Variants in NLRP11 observed in about 807,000 individuals in gnomAD.
The protein encoded by NLRP11 is NLR family pyrin domain containing 11, also known as NACHT, LRR and PYD domains-containing protein 11.
In NLRP11, 53 loss-of-function variants were observed where a neutral mutation model predicts 79.3. The observed-to-expected ratio is 0.67, with a 90% CI of 0.54 to 0.84. NLRP11 has a LOEUF of 0.84. Ranked by LOEUF, NLRP11 falls within the 40% of genes least tolerant of loss-of-function variation. The pLI is 0.00. For missense variants in NLRP11, 1,264 were observed against 1,255.0 expected (o/e 1.01, Z -0.11); for synonymous variants, 518 against 462.6 (o/e 1.12, Z -1.54).
chr19:55,807,062 T>C (rs997022139), intron 4 of NLRP11, among the ~76,000 whole-genome samples: 1 of 152,156 alleles, frequency 6.6e-6, no homozygotes, highest in Non-Finnish European at 1.5e-5. Context: ...TTAAAATGCG[T>C]GTACTTATTA....
intron 3 of NLRP11, 71 bp from the exon 4 acceptor site, chr19:55,808,085 T>A: frequency 1.9e-6 from 2 of 1,072,660 alleles, no homozygotes; most frequent in Non-Finnish European, 2.7e-6. Context: ...ACATGTAAAT[T>A]AAAGTATGTT....
intron 1 of NLRP11, among the ~76,000 whole-genome samples, chr19:55,819,138 C>G (rs1283223649): frequency 0.013 from 703 of 54,394 alleles, 13 homozygotes; most frequent in African/African-American, 0.049. Flanking sequence ...CACACACACA[C>G]ACACACACAC....
chr19:55,788,694 C>T lies in NLRP11; in HGVS notation c.2855+113G>A, dbSNP rs1568625520. 4.2e-6 allele frequency: 3 copies of T among 708,130 alleles called. No homozygotes were observed. In the Admixed American group the frequency reaches 9.7e-5, roughly 23 times the overall value. 43.9% of individuals were successfully genotyped at this position (708,130 alleles called of 1,614,324 possible). A position where few individuals can be genotyped will look rare whatever the true frequency, so the allele number is the denominator to read the frequency against. ...GGCTGATGTTGCAATGAGCCAAGATCACGCCACTGCACTCCAGCCTGGGCA... is the reference window on the plus strand; with the variant it reads ...GGCTGATGTTGCAATGAGCCAAGATTACGCCACTGCACTCCAGCCTGGGCA... On this transcript the variant is annotated intron_variant, in intron 9 of 9. Coordinates refer to ENST00000589093, the Ensembl canonical transcript of NLRP11.
chr19:55,833,638 G>A (rs10403258), upstream of NLRP11, among the ~76,000 whole-genome samples: 17,851 of 151,306 alleles, frequency 0.12, 1,250 homozygotes, highest in African/African-American at 0.18. Flanking sequence ...TGTGGTGGCG[G>A]GCGCCTGTAG....
chr19:55,786,369 C>T (rs971300830), intron 9 of NLRP11, among the ~76,000 whole-genome samples: 2 of 152,030 alleles, frequency 1.3e-5, no homozygotes, highest in Non-Finnish European at 2.9e-5. Context: ...ACCAAAGATA[C>T]AAAAACTTAG....
intron 6 of NLRP11, among the ~76,000 whole-genome samples, chr19:55,794,408 T>C (rs1568628733): frequency 6.6e-6 from 1 of 152,204 alleles, no homozygotes; most frequent in Non-Finnish European, 1.5e-5. Context: ...AATTAGCTCA[T>C]ATTGACAATT....
chr19:55,794,253 T>C (rs1464615133), intron 6 of NLRP11, among the ~76,000 whole-genome samples: 1 of 152,040 alleles, frequency 6.6e-6, no homozygotes, highest in African/African-American at 2.4e-5. Context: ...AAATTATACC[T>C]GGAACCAGTG....
Position 55,808,914 on chromosome 19 carries a change from T to A in NLRP11, c.1696A>T (p.Met566Leu), listed in dbSNP as rs1455283411. The change falls in exon 3 of 10, where the codon ATG becomes TTG. Residue 566 changes from methionine to leucine, a missense_variant. Met to Leu is a conservative substitution (Grantham distance 15). Coordinates refer to ENST00000589093, the Ensembl canonical transcript of NLRP11. Reference sequence around the variant, plus strand: ...GATTGAAGGTAAACTGTAACCTCCATGAGAGCATCCACAATCGTCTTCACA... The same window carrying A: ...GATTGAAGGTAAACTGTAACCTCCAAGAGAGCATCCACAATCGTCTTCACA... 2 of 1,613,800 alleles carry A rather than the reference T, an allele frequency of 1.2e-6. No individual in the cohort carries two copies. The highest frequency in any genetic ancestry group is 1.7e-6 in the Non-Finnish European group (2 of 1,179,692).
chr19:55,820,532 G>A (rs970031076), intron 1 of NLRP11, among the ~76,000 whole-genome samples: 3 of 152,066 alleles, frequency 2.0e-5, no homozygotes, highest in Non-Finnish European at 2.9e-5. Context: ...GGAAGCAATC[G>A]CACCCTTTGA....
upstream of NLRP11, among the ~76,000 whole-genome samples, chr19:55,833,765 CAAAAAAAAAAAA>C (rs71182919): frequency 1.7e-4 from 4 of 23,486 alleles, no homozygotes; most frequent in Non-Finnish European, 2.5e-4. Flanking sequence ...GACTCCGTCT[CAAAAAAAAAAAA>C]AAAAAAAAAA....
intron 4 of NLRP11, among the ~76,000 whole-genome samples, chr19:55,806,699 C>CA (rs1267990712): frequency 3.9e-5 from 6 of 152,176 alleles, no homozygotes; most frequent in African/African-American, 1.4e-4. Flanking sequence ...CAAAACCCCT[C>CA]AAAATGCCTC....
rs769134961 is a variant in NLRP11 at position 55,809,854 on chromosome 19, T to C, written c.756A>G (p.Lys252=). ...TGACCAGGAGAACTGGAATGGGAACTTTCTGGGTGCTGTTACTACACAAAG... is the reference window on the plus strand; with the variant it reads ...TGACCAGGAGAACTGGAATGGGAACCTTCTGGGTGCTGTTACTACACAAAG... The change falls in exon 3 of 10, where the codon AAA becomes AAG. Residue 252 remains lysine (K), a synonymous_variant. Coordinates refer to ENST00000589093, the Ensembl canonical transcript of NLRP11. This position sits in a 1 kb window ranked among gnomAD's most constrained non-coding sequence, Gnocchi z 4.5. The C allele has an allele frequency of 1.2e-6, 2 of 1,614,192 alleles. No individual in the cohort carries two copies. The highest frequency in any genetic ancestry group is 1.7e-5 in the Admixed American group (1 of 60,018).
intron 9 of NLRP11, among the ~76,000 whole-genome samples, chr19:55,786,400 C>T (rs1989881384): frequency 6.6e-6 from 1 of 152,042 alleles, no homozygotes; most frequent in Non-Finnish European, 1.5e-5. Flanking sequence ...TGGTGCGTGC[C>T]TGTGGTCCCA....
intron 4 of NLRP11, 94 bp from the exon 5 acceptor site, chr19:55,801,833 G>T: frequency 1.0e-6 from 1 of 994,132 alleles, no homozygotes; most frequent in Non-Finnish European, 1.6e-6. Flanking sequence ...CTGTAACAAA[G>T]ATTCTCAGTG....
At chr19:55,789,565 G>GCATTGT (rs1990115066) in intron 7 of NLRP11, among the ~76,000 whole-genome samples, 166 bp from the exon 8 acceptor site, 2 of 152,162 alleles carry the variant, frequency 1.3e-5, no homozygotes, top group African/African-American at 4.8e-5. Flanking sequence ...AACATACCAG[G>GCATTGT]CATTGTTCAA....
chr19:55,795,003 C>G (rs1210729334), intron 6 of NLRP11, among the ~76,000 whole-genome samples: 1 of 152,130 alleles, frequency 6.6e-6, no homozygotes, highest in East Asian at 1.9e-4. Flanking sequence ...ATTCTTTTGT[C>G]TTTTTGGAAT....
exon 6 of NLRP11, chr19:55,796,114 A>C (rs768778345): frequency 1.2e-6 from 2 of 1,614,000 alleles, no homozygotes; most frequent in Non-Finnish European, 1.7e-6. Flanking sequence ...GGATGAAGCA[A>C]GGCATCACAC....
intron 5 of NLRP11, chr19:55,798,141 A>G (rs767184985): frequency 1.3e-4 from 21 of 155,706 alleles, no homozygotes; most frequent in Non-Finnish European, 2.2e-4. Flanking sequence ...CTGGGATTAC[A>G]GGCATGCGCC....
At chr19:55,821,713 G>T (rs1349087263) in intron 1 of NLRP11, among the ~76,000 whole-genome samples, 1 of 142,172 alleles carries the variant, frequency 7.0e-6, no homozygotes, top group Non-Finnish European at 1.5e-5. Context: ...CATTGTTAGT[G>T]ATGGGAGAAC....
Sources: gnomAD v4.1 joint callset for allele counts (sites outside exome capture counted in the v4.1 genomes callset) on GRCh38, gnomAD v4.1.1 for gene constraint, Gnocchi (gnomAD v3.1) non-coding constraint, MANE v1.5 for transcripts, NCBI Gene and HGNC (gene_info 2026-07-23, HGNC 2026-07-21) for gene names.